The following CAMK1D variants were observed in gnomAD, a reference collection of about 807,000 sequenced individuals.
The protein encoded by CAMK1D is calcium/calmodulin dependent protein kinase ID.
Under a neutral mutation model 47.7 loss-of-function variants are expected in CAMK1D, and 9 were observed. The observed-to-expected ratio is 0.19, with a 90% CI of 0.11 to 0.33. The LOEUF is 0.33. Ranked by LOEUF, CAMK1D falls within the 10% of genes least tolerant of loss-of-function variation. The probability of loss-of-function intolerance (pLI) is 1.00; values close to 1 mark genes in which losing one functional copy is unlikely to be tolerated. For missense variants in CAMK1D, 291 were observed against 488.7 expected (o/e 0.60, Z 3.81); for synonymous variants, 184 against 184.9 (o/e 0.99, Z 0.04).
chr10:12,512,906 G>C (rs903829640), intron 1 of CAMK1D, among the ~76,000 whole-genome samples: 1 of 152,198 alleles, frequency 6.6e-6, no homozygotes, highest in Non-Finnish European at 1.5e-5. Context: ...TAGATGGACC[G>C]GAGCGAGCAT....
At chr10:12,443,990 T>C (rs1735562905) in intron 1 of CAMK1D, among the ~76,000 whole-genome samples, 1 of 152,202 alleles carries the variant, frequency 6.6e-6, no homozygotes, top group Admixed American at 6.5e-5. Flanking sequence ...AGATTATTCA[T>C]GCCCCCCCTT....
chr10:12,630,532 C>G (rs745811278), intron 2 of CAMK1D, among the ~76,000 whole-genome samples: 10 of 151,990 alleles, frequency 6.6e-5, no homozygotes, highest in Admixed American at 1.3e-4. Flanking sequence ...ACTCACCACT[C>G]CACCTAGCTA....
chr10:12,529,910 G>T (rs1365673310), intron 1 of CAMK1D, among the ~76,000 whole-genome samples: 1 of 152,152 alleles, frequency 6.6e-6, no homozygotes. Context: ...ATTACACTGA[G>T]ATGAATGTGG....
At chr10:12,603,298 C>T (rs1438499968) in intron 2 of CAMK1D, among the ~76,000 whole-genome samples, 1 of 152,186 alleles carries the variant, frequency 6.6e-6, no homozygotes, top group African/African-American at 2.4e-5. Flanking sequence ...CAGACTGGCT[C>T]TGCCTGCTGC....
chr10:12,390,988 T>C (rs1259747726), intron 1 of CAMK1D, among the ~76,000 whole-genome samples: 2 of 151,962 alleles, frequency 1.3e-5, no homozygotes, highest in Admixed American at 6.6e-5. Context: ...GAGTCCAGCA[T>C]TGAGTGAGTA....
At chr10:12,588,866 ATG>A (rs61703961) in intron 2 of CAMK1D, among the ~76,000 whole-genome samples, 12 of 144,280 alleles carry the variant, frequency 8.3e-5, no homozygotes, top group African/African-American at 1.7e-4. Flanking sequence ...ATATGTATAT[ATG>A]TGTGTGTGTG....
intron 3 of CAMK1D, among the ~76,000 whole-genome samples, chr10:12,684,725 T>C (rs1384598221): frequency 6.6e-6 from 1 of 152,190 alleles, no homozygotes; most frequent in Non-Finnish European, 1.5e-5. Flanking sequence ...TATTTGTAAT[T>C]CTTGTAATGA....
intron 1 of CAMK1D, 132 bp from the exon 2 acceptor site, chr10:12,553,093 A>C (rs1836639849): frequency 6.6e-7 from 1 of 1,519,464 alleles, no homozygotes; most frequent in Admixed American, 2.0e-5. Flanking sequence ...GCCACGGTGG[A>C]TAAAAGTAAC....
At chr10:12,693,948 A>G (rs367574109) in intron 3 of CAMK1D, among the ~76,000 whole-genome samples, 2 of 76,774 alleles carry the variant, frequency 2.6e-5, no homozygotes, top group African/African-American at 1.0e-4. Flanking sequence ...TAAAATATAT[A>G]ATATATATTA....
chr10:12,404,325 G>A lies in CAMK1D; in HGVS notation c.92+54415G>A, dbSNP rs150869135. Among the ~76,000 whole-genome samples the A allele has an allele frequency of 1.4e-3, 212 of 152,320 alleles. 3 individuals carry two copies. The highest frequency in any genetic ancestry group is 0.014 in the East Asian group (71 of 5,176). On this transcript the variant is annotated intron_variant, in intron 1 of 10. Transcript: ENST00000619168. ...CTCCCAGAGTGCTGGGATTACAGGC[G>A]TGAGCCCCTGCGCCCGGCCTTATTT...
At chr10:12,461,925 C>A (rs1045660560) in intron 1 of CAMK1D, among the ~76,000 whole-genome samples, 2 of 152,034 alleles carry the variant, frequency 1.3e-5, no homozygotes, top group African/African-American at 4.8e-5. Context: ...GTTCCCTGTT[C>A]TCTGAAACAA....
intron 3 of CAMK1D, among the ~76,000 whole-genome samples, chr10:12,691,714 G>A (rs987622087): frequency 6.6e-6 from 1 of 151,796 alleles, no homozygotes; most frequent in Non-Finnish European, 1.5e-5. Flanking sequence ...GCCTCCCAAC[G>A]TGCTGGGATT....
intron 2 of CAMK1D, among the ~76,000 whole-genome samples, chr10:12,612,897 A>G (rs1838673265): frequency 6.6e-6 from 1 of 152,206 alleles, no homozygotes; most frequent in Admixed American, 6.5e-5. Flanking sequence ...GTGGTCTTGT[A>G]AAGCAAATAC....
rs150734905 is a variant in CAMK1D, at chr10:12,481,469, C to T, written c.93-71756C>T. Among the ~76,000 whole-genome samples the T allele has an allele frequency of 8.1e-3, 1,237 of 152,232 alleles. 11 individuals are homozygous for T. Among genetic ancestry groups the T allele is most frequent in the Middle Eastern group, 0.014 (4 of 294 alleles). The stretch of plus-strand genomic sequence containing the variant: ...CCTCTGAGGTTGATTTGAGTAATAA[C>T]CTGTCTCCCATGTTGTGTGGCTGGC... On this transcript the variant is annotated intron_variant, in intron 1 of 10. Coordinates refer to ENST00000619168, the MANE Select transcript of CAMK1D (RefSeq NM_153498.4).
At chr10:12,615,480 G>C (rs1838756479) in intron 2 of CAMK1D, among the ~76,000 whole-genome samples, 1 of 151,438 alleles carries the variant, frequency 6.6e-6, no homozygotes, top group Non-Finnish European at 1.5e-5. Context: ...GTGCACGTGT[G>C]TAGGTGTGTG....
In CAMK1D at chr10:12,496,985, C is replaced by T. The variant is rs779071964; in HGVS notation, c.93-56240C>T. Among the ~76,000 whole-genome samples the T allele has an allele frequency of 1.2e-4, 19 of 152,248 alleles. No individual in the cohort carries two copies. In the East Asian group the frequency reaches 2.1e-3, roughly 17 times the overall value. On this transcript the variant is annotated intron_variant, in intron 1 of 10. Transcript: ENST00000619168. ...GCTCCCACTTATAAGTGAGAACATG[C>T]GGTGTTTGGTTTCCTGTTACTGCGT...
At chr10:12,631,976 TGAGCGAATGAACC>T (rs1839392174) in intron 2 of CAMK1D, among the ~76,000 whole-genome samples, 1 of 152,136 alleles carries the variant, frequency 6.6e-6, no homozygotes, top group South Asian at 2.1e-4. Flanking sequence ...GTTCAATGAG[TGAGCGAATGAACC>T]GAGCTCTTAA....
At chr10:12,674,643 G>T (rs1307151705) in intron 3 of CAMK1D, among the ~76,000 whole-genome samples, 3 of 69,210 alleles carry the variant, frequency 4.3e-5, no homozygotes, top group Admixed American at 1.8e-4. Context: ...GGAACATTCT[G>T]CTTTAGATAG....
intron 1 of CAMK1D, among the ~76,000 whole-genome samples, chr10:12,353,197 A>G (rs1315488845): frequency 6.6e-6 from 1 of 152,134 alleles, no homozygotes; most frequent in Non-Finnish European, 1.5e-5. Context: ...AATGAAATCT[A>G]ACACAAATGA....
Sources: gnomAD v4.1 joint callset for allele counts (sites outside exome capture counted in the v4.1 genomes callset) on GRCh38, gnomAD v4.1.1 for gene constraint, MANE v1.5 for transcripts, NCBI Gene and HGNC (gene_info 2026-07-23, HGNC 2026-07-21) for gene names.